Variants in NR6A1 observed in about 807,000 individuals in gnomAD.
The protein encoded by NR6A1 is nuclear receptor subfamily 6 group A member 1.
Under a neutral mutation model 59.1 loss-of-function variants are expected in NR6A1, and 7 were observed. The observed-to-expected ratio is 0.12, with a 90% CI of 0.07 to 0.22. The LOEUF (loss-of-function observed/expected upper bound fraction) is 0.22, where lower values mean the gene tolerates loss of function less well. NR6A1 is among the 10% of genes least tolerant of loss of function. NR6A1 has a pLI of 1.00. For synonymous variants in NR6A1, 243 were observed against 236.1 expected (o/e 1.03, Z -0.27); for missense variants, 468 against 611.6 (o/e 0.77, Z 2.48).
chr9:124,562,925 T>C (rs942736666), intron 2 of NR6A1, among the ~76,000 whole-genome samples: 3 of 152,078 alleles, frequency 2.0e-5, no homozygotes, highest in African/African-American at 7.2e-5. Context: ...GAACAAAAAA[T>C]AAATGAGGAT....
chr9:124,538,905 TAA>T (rs11346135), intron 5 of NR6A1, among the ~76,000 whole-genome samples: 264 of 141,794 alleles, frequency 1.9e-3, no homozygotes, highest in Middle Eastern at 3.6e-3. Context: ...GTCAACTAAT[TAA>T]AAAAAAAAAA....
At chr9:124,699,934 G>A (rs1175893102) in intron 2 of NR6A1, among the ~76,000 whole-genome samples, 1 of 152,164 alleles carries the variant, frequency 6.6e-6, no homozygotes, top group African/African-American at 2.4e-5. Flanking sequence ...TCAGCTCACT[G>A]CAACCTCTAC....
intron 2 of NR6A1, among the ~76,000 whole-genome samples, chr9:124,588,935 A>G (rs1237041501): frequency 1.5e-5 from 2 of 136,456 alleles, no homozygotes; most frequent in African/African-American, 6.4e-5. Flanking sequence ...AAAAAAAAAG[A>G]AAGAAAAAAA....
intron 1 of NR6A1, among the ~76,000 whole-genome samples, chr9:124,753,843 T>G (rs961090876): frequency 2.6e-5 from 4 of 152,194 alleles, no homozygotes; most frequent in African/African-American, 9.6e-5. Flanking sequence ...GGACCTAGCC[T>G]TGCTTTTACC....
chr9:124,547,659 A>G (rs1231123246), intron 3 of NR6A1, among the ~76,000 whole-genome samples: 1 of 152,214 alleles, frequency 6.6e-6, no homozygotes, highest in Non-Finnish European at 1.5e-5. Flanking sequence ...AGAAGGACAC[A>G]ACATCATTTC....
At chr9:124,720,291 TCCAC>T (rs929517158) in intron 2 of NR6A1, among the ~76,000 whole-genome samples, 34 of 152,096 alleles carry the variant, frequency 2.2e-4, no homozygotes, top group African/African-American at 7.7e-4. Context: ...CCTCAGGTGA[TCCAC>T]CCACCTCAGC....
At chr9:124,647,875 A>G (rs960839143) in intron 2 of NR6A1, among the ~76,000 whole-genome samples, 2 of 152,196 alleles carry the variant, frequency 1.3e-5, no homozygotes, top group Admixed American at 6.5e-5. Context: ...GCTGAATTAT[A>G]TGAAACACTT....
intron 5 of NR6A1, among the ~76,000 whole-genome samples, chr9:124,538,848 G>A (rs1833359692): frequency 6.6e-6 from 1 of 151,312 alleles, no homozygotes; most frequent in African/African-American, 2.4e-5. Context: ...GAAGACAAAG[G>A]TAGATTTTTG....
intron 2 of NR6A1, among the ~76,000 whole-genome samples, chr9:124,650,906 G>T (rs991983538): frequency 2.6e-5 from 4 of 151,924 alleles, no homozygotes; most frequent in African/African-American, 9.7e-5. Context: ...GTCCTAAGGG[G>T]TATAATCACC....
At chr9:124,529,503 C>T (rs900491655) in intron 7 of NR6A1, among the ~76,000 whole-genome samples, 1 of 152,128 alleles carries the variant, frequency 6.6e-6, no homozygotes, top group Non-Finnish European at 1.5e-5. Context: ...ATGGCTACCC[C>T]AAGGTTGCAC....
chr9:124,568,169 CAAAAAAAAAAAAAAA>C (rs34652433), intron 2 of NR6A1, among the ~76,000 whole-genome samples: 1 of 30,436 alleles, frequency 3.3e-5, no homozygotes, highest in Non-Finnish European at 6.2e-5. Context: ...TACTTCATCT[CAAAAAAAAAAAAAAA>C]AAAAAAAAAA....
intron 2 of NR6A1, among the ~76,000 whole-genome samples, chr9:124,670,651 G>T (rs1294291653): frequency 6.6e-6 from 1 of 152,174 alleles, no homozygotes; most frequent in Non-Finnish European, 1.5e-5. Flanking sequence ...CATGATCAGG[G>T]AAGAAATTCA....
intron 2 of NR6A1, among the ~76,000 whole-genome samples, chr9:124,566,141 C>T (rs1834232476): frequency 1.3e-5 from 2 of 152,180 alleles, no homozygotes; most frequent in African/African-American, 4.8e-5. Context: ...ACTGCAACAA[C>T]ACAGATGACT....
chr9:124,725,056 G>C (rs1481716204), intron 2 of NR6A1, among the ~76,000 whole-genome samples: 1 of 152,188 alleles, frequency 6.6e-6, no homozygotes, highest in African/African-American at 2.4e-5. Flanking sequence ...CTTGTATCAA[G>C]TCGGTCCTTG....
At chr9:124,651,264 G>A (rs971235776) in intron 2 of NR6A1, among the ~76,000 whole-genome samples, 2 of 151,838 alleles carry the variant, frequency 1.3e-5, no homozygotes, top group African/African-American at 2.4e-5. Flanking sequence ...TTGCCACGTC[G>A]CCCAGGCTGG....
At chr9:124,760,318 A>G (rs1211569269) in intron 1 of NR6A1, among the ~76,000 whole-genome samples, 1 of 151,926 alleles carries the variant, frequency 6.6e-6, no homozygotes, top group Non-Finnish European at 1.5e-5. Context: ...ACTAAAAAAA[A>G]ATAAATAAAT....
rs574730389 is a variant in NR6A1 at position 124,625,689 on chromosome 9, G to A, written c.143-71119C>T. On this transcript the variant is annotated intron_variant, in intron 2 of 9. Coordinates refer to ENST00000487099, the MANE Select transcript of NR6A1 (RefSeq NM_033334.4). ...GGCTGGGCCACAGGGTGCCCAGACT[G>A]TTTGGTCAAACAATATTCTGGGTGT... 6.1e-4 allele frequency among the ~76,000 whole-genome samples: 93 copies of A among 152,254 alleles called. 1 individual carries two copies. In the South Asian group the frequency reaches 0.018, roughly 30 times the overall value.
chr9:124,527,618 G>A (rs947434389), intron 7 of NR6A1, among the ~76,000 whole-genome samples: 4 of 152,142 alleles, frequency 2.6e-5, no homozygotes, highest in Non-Finnish European at 1.5e-5. Flanking sequence ...AAGAAGGGAG[G>A]GTCTGGTCCA....
At chr9:124,745,143 C>T (rs1588848404) in intron 1 of NR6A1, among the ~76,000 whole-genome samples, 2 of 151,792 alleles carry the variant, frequency 1.3e-5, no homozygotes, top group Non-Finnish European at 2.9e-5. Flanking sequence ...GAATATTTTG[C>T]GAACACTATA....
Sources: gnomAD v4.1 joint callset for allele counts (sites outside exome capture counted in the v4.1 genomes callset) on GRCh38, gnomAD v4.1.1 for gene constraint, MANE v1.5 for transcripts, NCBI Gene and HGNC (gene_info 2026-07-23, HGNC 2026-07-21) for gene names.